SAMD5: variants seen among roughly 807,000 people sequenced by gnomAD.
The protein encoded by SAMD5 is sterile alpha motif domain containing 5.
Under a neutral mutation model 11.3 loss-of-function variants are expected in SAMD5, and 13 were observed. The observed-to-expected ratio is 1.15, with a 90% CI of 0.75 to 1.83. The LOEUF (loss-of-function observed/expected upper bound fraction) is 1.83, where lower values mean the gene tolerates loss of function less well. Among genes scored for constraint, SAMD5 ranks in the 40% most tolerant of loss-of-function variants. The pLI is 0.00. For synonymous variants in SAMD5, 129 were observed against 111.3 expected (o/e 1.16, Z -1.00); for missense variants, 255 against 239.1 (o/e 1.07, Z -0.44).
chr6:147,612,584 A>T (rs1789803189), intron 1 of SAMD5, among the ~76,000 whole-genome samples: 1 of 152,046 alleles, frequency 6.6e-6, no homozygotes, highest in Non-Finnish European at 1.5e-5. Context: ...CTACCATCTC[A>T]TATTGCTCTC....
At chr6:147,530,946 T>C (rs1788421639) in intron 1 of SAMD5, among the ~76,000 whole-genome samples, 1 of 152,234 alleles carries the variant, frequency 6.6e-6, no homozygotes, top group Non-Finnish European at 1.5e-5. Context: ...TTGACCTACT[T>C]TCATTTAGAA....
At chr6:147,821,344 G>C in the SAMD5 span, among the ~76,000 whole-genome samples, 3 of 152,198 alleles carry the variant, frequency 2.0e-5, no homozygotes, top group African/African-American at 7.2e-5. Flanking sequence ...GTAGGCAGCC[G>C]TTAGATGATG....
At chr6:147,615,235 G>A (rs751973448) in intron 1 of SAMD5, among the ~76,000 whole-genome samples, 12 of 150,200 alleles carry the variant, frequency 8.0e-5, no homozygotes, top group South Asian at 2.1e-4. Context: ...AAGTATACAC[G>A]TAGAACAGTA....
chr6:147,679,390 T>C (rs1272127361), intron 1 of SAMD5, among the ~76,000 whole-genome samples: 2 of 152,098 alleles, frequency 1.3e-5, no homozygotes. Context: ...TTTATTTCCT[T>C]AATGATGAAT....
In SAMD5 at chr6:147,555,850, A is replaced by G. The variant is rs141529419; in HGVS notation, c.460-8544A>G. ...TTAAAATGAATATCTACAATTATTT[A>G]TCTGAAAAGTCTGTTCAGATACTCC... On this transcript the variant is annotated intron_variant, in intron 1 of 1. Coordinates refer to ENST00000367474, the MANE Select transcript of SAMD5 (RefSeq NM_001030060.3). 4.1e-4 allele frequency among the ~76,000 whole-genome samples: 62 copies of G among 152,322 alleles called. No individual in the cohort carries two copies. The East Asian group carries it at 0.011, about 27-fold the overall frequency.
intron 1 of SAMD5, among the ~76,000 whole-genome samples, chr6:147,596,723 G>A (rs1789537155): frequency 6.6e-6 from 1 of 152,130 alleles, no homozygotes; most frequent in Non-Finnish European, 1.5e-5. Context: ...TTCTTTTACA[G>A]TTATTTTTTT....
At chr6:147,816,301 A>AAAAAATATAT in the SAMD5 span, among the ~76,000 whole-genome samples, 36 of 66,342 alleles carry the variant, frequency 5.4e-4, no homozygotes, top group East Asian at 3.6e-3. Context: ...AAAAAAAAAA[A>AAAAAATATAT]ATATATATAT....
At chr6:147,581,970 G>T (rs1428584330) in intron 1 of SAMD5, among the ~76,000 whole-genome samples, 2 of 152,148 alleles carry the variant, frequency 1.3e-5, no homozygotes, top group African/African-American at 2.4e-5. Context: ...TCATTAAGGA[G>T]CCAGCCCTTG....
chr6:147,909,999 G>T, the SAMD5 span, among the ~76,000 whole-genome samples: 2 of 152,098 alleles, frequency 1.3e-5, no homozygotes, highest in Non-Finnish European at 2.9e-5. Context: ...GTGTCTTGAT[G>T]TATGGTGACA....
chr6:147,937,848 GC>G, the SAMD5 span, among the ~76,000 whole-genome samples: 3 of 152,048 alleles, frequency 2.0e-5, no homozygotes, highest in African/African-American at 7.2e-5. Context: ...TATCTCAGGT[GC>G]TTGCCTTAAA....
intron 1 of SAMD5, among the ~76,000 whole-genome samples, chr6:147,528,561 G>A (rs561150164): frequency 2.6e-5 from 4 of 152,160 alleles, no homozygotes; most frequent in Non-Finnish European, 5.9e-5. Context: ...TGAGGGTCAG[G>A]ACTTCAACAT....
At chr6:147,881,102 ACCC>A in the SAMD5 span, among the ~76,000 whole-genome samples, 1 of 152,174 alleles carries the variant, frequency 6.6e-6, no homozygotes, top group Non-Finnish European at 1.5e-5. Flanking sequence ...CATATGGATG[ACCC>A]AATTCTACTA....
the SAMD5 span, among the ~76,000 whole-genome samples, chr6:147,847,767 C>T: frequency 6.6e-6 from 1 of 152,092 alleles, no homozygotes; most frequent in Non-Finnish European, 1.5e-5. Flanking sequence ...GCAGGAAAAT[C>T]GCTTGAACCT....
At chr6:147,803,131 CTGTGTGTGTG>C in the SAMD5 span, among the ~76,000 whole-genome samples, 11,892 of 136,792 alleles carry the variant, frequency 0.087, 541 homozygotes, top group Middle Eastern at 0.11. Context: ...GCCTTCCTTT[CTGTGTGTGTG>C]TGTGTGTGTG....
chr6:147,729,477 A>G (rs1342202587), intron 1 of SAMD5, among the ~76,000 whole-genome samples: 1 of 152,240 alleles, frequency 6.6e-6, no homozygotes, highest in Non-Finnish European at 1.5e-5. Context: ...CAGGTGCTGG[A>G]GATTCAATGA....
In SAMD5 at chr6:147,589,552, CA is replaced by C. The variant is rs368755344; in HGVS notation, c.162+80167del. 4.7e-4 allele frequency among the ~76,000 whole-genome samples: 71 copies of C among 152,232 alleles called. 1 individual carries two copies. The highest frequency in any genetic ancestry group is 1.6e-3 in the African/African-American group (68 of 41,554). On this transcript the variant is annotated intron_variant, in intron 1 of 1. Transcript: ENST00000566741. Reference sequence around the variant, plus strand: ...TCCTGAGCAGGCTAGCCAGCCTCTCCAAGCCTCGGCGTCCTCATCTGAGCAC... The same window carrying C: ...TCCTGAGCAGGCTAGCCAGCCTCTCCAGCCTCGGCGTCCTCATCTGAGCAC...
intron 1 of SAMD5, among the ~76,000 whole-genome samples, chr6:147,538,921 A>G (rs1174122596): frequency 2.0e-5 from 3 of 152,176 alleles, no homozygotes; most frequent in African/African-American, 7.2e-5. Context: ...AATTAATCAG[A>G]GCTTTTTTAT....
At chr6:147,591,424 A>G (rs844572) in intron 1 of SAMD5, among the ~76,000 whole-genome samples, 100,079 of 151,786 alleles carry the variant, frequency 0.66, 33,223 homozygotes, top group South Asian at 0.74. Flanking sequence ...AAAGAGGGTC[A>G]CCGCACTCGG....
intron 1 of SAMD5, among the ~76,000 whole-genome samples, chr6:147,669,931 A>C (rs1474093438): frequency 1.3e-5 from 2 of 152,168 alleles, no homozygotes; most frequent in Admixed American, 6.5e-5. Flanking sequence ...AATTCCTTCC[A>C]AAAGGTTTCA....
Sources: gnomAD v4.1 joint callset for allele counts (sites outside exome capture counted in the v4.1 genomes callset) on GRCh38, gnomAD v4.1.1 for gene constraint, MANE v1.5 for transcripts, NCBI Gene and HGNC (gene_info 2026-07-23, HGNC 2026-07-21) for gene names.